Variants in ETHE1 observed in about 807,000 individuals in gnomAD.
ETHE1 encodes the protein persulfide dioxygenase ETHE1, mitochondrial.
In ETHE1, 16 loss-of-function variants were observed where a neutral mutation model predicts 25.7. That is an observed-to-expected ratio of 0.62 (90% CI 0.42 to 0.95). ETHE1 has a LOEUF of 0.95. ETHE1 is among the 40% of genes least tolerant of loss of function. The pLI is 0.00. For missense variants in ETHE1, 300 were observed against 333.6 expected, an observed-to-expected ratio of 0.90 and a Z score of 0.79; for synonymous variants, 139 against 135.9, an observed-to-expected ratio of 1.02 and a Z score of -0.16.
At chr19:43,526,960 C>T in intron 1 of ETHE1, 137 bp downstream of exon 1, 1 of 1,526,778 alleles carries the variant, frequency 6.5e-7, no homozygotes, top group Non-Finnish European at 8.8e-7. Context: ...AAGAGTCCAG[C>T]CCTAAACCTC....
At chr19:43,520,628 A>G (rs962645606) in intron 3 of ETHE1, among the ~76,000 whole-genome samples, 1 of 151,576 alleles carries the variant, frequency 6.6e-6, no homozygotes, top group Non-Finnish European at 1.5e-5. Flanking sequence ...TTGAGCCAGG[A>G]GGTTGAGGCT....
Position 43,508,843 on chromosome 19 carries a change from T to C in ETHE1, c.527A>G (p.His176Arg). ...TGTGAAGATCTTTTCATGGACCGAG[T>C]GGTACAAGGTCTTGGCACAGCCTGG... ...FQQGCAKTLY[H>R]SVHEKIFTLP... The change falls in exon 5 of 7, where the codon CAC becomes CGC. Residue 176 changes from histidine (H) to arginine (R), a missense_variant. Coordinates refer to ENST00000292147, the MANE Select transcript of ETHE1 (RefSeq NM_014297.5). The C allele has an allele frequency of 1.2e-6, 2 of 1,607,188 alleles. No individual in the cohort carries two copies. The highest frequency in any genetic ancestry group is 1.7e-6 in the Non-Finnish European group (2 of 1,177,232).
chr19:43,513,889 T>C (rs149610331), intron 3 of ETHE1, among the ~76,000 whole-genome samples: 1 of 152,076 alleles, frequency 6.6e-6, no homozygotes, highest in Non-Finnish European at 1.5e-5. Flanking sequence ...GCCTGCCTAA[T>C]TTTTGTATTT....
chr19:43,513,700 G>A (rs1971964277), intron 3 of ETHE1, among the ~76,000 whole-genome samples: 1 of 151,386 alleles, frequency 6.6e-6, no homozygotes, highest in Non-Finnish European at 1.5e-5. Context: ...CCTTGTCTCA[G>A]ATGAGACTTT....
At chr19:43,512,912 A>G (rs994716877) in intron 3 of ETHE1, among the ~76,000 whole-genome samples, 2 of 152,200 alleles carry the variant, frequency 1.3e-5, no homozygotes, top group Non-Finnish European at 2.9e-5. Flanking sequence ...ACTAGGAGAA[A>G]AAATGGTTTC....
At chr19:43,520,328 C>T (rs940315284) in intron 3 of ETHE1, among the ~76,000 whole-genome samples, 7 of 152,034 alleles carry the variant, frequency 4.6e-5, no homozygotes, top group Admixed American at 1.3e-4. Context: ...TGCCACTGTA[C>T]GCCAGCCTGG....
intron 3 of ETHE1, among the ~76,000 whole-genome samples, chr19:43,522,406 T>C (rs2599457): frequency 0.21 from 31,279 of 152,154 alleles, 3,310 homozygotes; most frequent in Non-Finnish European, 0.23. Flanking sequence ...GCTTGGGCAA[T>C]AGAACAAGAG....
In ETHE1 at chr19:43,527,162, G is replaced by C. The variant is rs1323249558; in HGVS notation, c.16C>G (p.Leu6Val). Residue 6 changes from leucine to valine, a missense_variant, in exon 1 of 7, where the codon CTG becomes GTG. Physicochemically the swap from Leu to Val is conservative, Grantham distance 32. Transcript: ENST00000292147. MAEAV[L>V]RVARRQLSQR... The stretch of plus-strand genomic sequence containing the variant: ...CTCAGCTGCCGCCGGGCGACCCTCA[G>C]TACAGCCTCCGCCATCGCGCCCACT... 1.3e-6 allele frequency: 2 copies of C among 1,542,592 alleles called. No homozygotes were observed. The highest frequency in any genetic ancestry group is 1.7e-6 in the Non-Finnish European group (2 of 1,148,318).
At chr19:43,510,818 C>T (rs865898277) in intron 4 of ETHE1, among the ~76,000 whole-genome samples, 13 of 152,050 alleles carry the variant, frequency 8.5e-5, no homozygotes, top group East Asian at 3.9e-4. Context: ...GGTACCGGTC[C>T]GTGGTCTGTT....
At chr19:43,516,627 T>C (rs1038214979) in intron 3 of ETHE1, among the ~76,000 whole-genome samples, 17 of 142,962 alleles carry the variant, frequency 1.2e-4, no homozygotes, top group African/African-American at 1.8e-4. Context: ...TTTTTTCTTT[T>C]TTTTTTTTTT....
intron 4 of ETHE1, among the ~76,000 whole-genome samples, chr19:43,510,111 T>C (rs1378356015): frequency 6.6e-6 from 1 of 152,104 alleles, no homozygotes; most frequent in African/African-American, 2.4e-5. Context: ...TTCCCTCTCA[T>C]CCAGCCTCAC....
At chr19:43,515,768 GT>G (rs1972007881) in intron 3 of ETHE1, among the ~76,000 whole-genome samples, 1 of 152,052 alleles carries the variant, frequency 6.6e-6, no homozygotes, top group Non-Finnish European at 1.5e-5. Context: ...TAGAGACAGG[GT>G]TTCACCATGT....
Position 43,507,967 on chromosome 19 carries a change from T to C in ETHE1, c.689A>G (p.Asn230Ser). 4 of 1,614,068 alleles carry C rather than the reference T, an allele frequency of 2.5e-6. No individual in the cohort carries two copies. Among genetic ancestry groups the C allele is most frequent in the Non-Finnish European group, 3.4e-6 (4 of 1,180,008 alleles). ...EEFVKIMGNL[N>S]LPKPQQIDFA... ...ACCTATCTGCTGAGGTTTAGGCAAG[T>C]TCAGGTTGCCCATGATTTTGACAAA... The change falls in exon 6 of 7, where the codon AAC becomes AGC. Residue 230 changes from asparagine (N) to serine (S), a missense_variant. Physicochemically the swap from Asn to Ser is conservative, Grantham distance 46 (BLOSUM62 1). Transcript: ENST00000292147.
At chr19:43,517,885 G>A (rs957955124) in intron 3 of ETHE1, among the ~76,000 whole-genome samples, 2 of 151,690 alleles carry the variant, frequency 1.3e-5, no homozygotes, top group Non-Finnish European at 2.9e-5. Flanking sequence ...GGGAGGCAGA[G>A]GTTACAGTGA....
chr19:43,526,252 G>T lies in ETHE1; in HGVS notation c.324C>A (p.Ala108=), dbSNP rs1382598226. Residue 108 remains alanine, a synonymous_variant, in exon 3 of 7, where the codon GCC becomes GCA. Coordinates refer to ENST00000292147, the MANE Select transcript of ETHE1 (RefSeq NM_014297.5). ...CQSVISRLSG[A]QADLHIEDGD... is the part of the protein sequence containing the mutation. ...CATCCTCAATGTGTAAGTCAGCCTG[G>T]GCCCCACTAAGGCGGGAGATGACAG... 5 of 1,614,058 alleles carry T rather than the reference G, an allele frequency of 3.1e-6. No individual in the cohort carries two copies. Among genetic ancestry groups the T allele is most frequent in the East Asian group, 2.2e-5 (1 of 44,886 alleles).
At chr19:43,518,999 GTTTTTTTTTT>G (rs71169253) in intron 3 of ETHE1, among the ~76,000 whole-genome samples, 23,359 of 91,558 alleles carry the variant, frequency 0.26, 2,342 homozygotes, top group Non-Finnish European at 0.26. Flanking sequence ...ATTTGTGCTT[GTTTTTTTTTT>G]TTTTTTTTTT....
intron 3 of ETHE1, among the ~76,000 whole-genome samples, chr19:43,518,447 A>T (rs767683431): frequency 2.0e-5 from 3 of 152,100 alleles, no homozygotes; most frequent in Non-Finnish European, 4.4e-5. Flanking sequence ...TAATAATGAT[A>T]TAAAGTTACT....
At position 43,526,280 on chromosome 19, in the gene ETHE1, T is replaced by G; in HGVS notation, c.296A>C (p.Gln99Pro). The G allele has an allele frequency of 6.2e-7, 1 of 1,614,080 alleles. No individual in the cohort carries two copies. Among genetic ancestry groups the G allele is most frequent in the Non-Finnish European group, 8.5e-7 (1 of 1,180,004 alleles). ...GLLRSLLPGC[Q>P]SVISRLSGAQ... ...CCCACTAAGGCGGGAGATGACAGAC[T>G]GGCAGCCAGGGAGGAGGGAACGGAG... The change falls in exon 3 of 7, where the codon CAG (glutamine) becomes CCG (proline). Residue 99 changes from glutamine to proline, a missense_variant. By Grantham distance (76) the Gln-to-Pro change is moderately conservative. Coordinates refer to ENST00000292147, the MANE Select transcript of ETHE1 (RefSeq NM_014297.5).
chr19:43,523,962 G>A (rs531757267), intron 3 of ETHE1, among the ~76,000 whole-genome samples: 13 of 151,400 alleles, frequency 8.6e-5, no homozygotes, highest in South Asian at 2.1e-4. Flanking sequence ...GTGCCTGGGC[G>A]CAGTGGCTCA....
Sources: allele counts gnomAD v4.1 joint callset (sites outside exome capture counted in the v4.1 genomes callset), GRCh38; gene constraint gnomAD v4.1.1; transcripts MANE v1.5; gene names NCBI Gene and HGNC (gene_info 2026-07-23, HGNC 2026-07-21).